Variants in NEDD9 observed in about 807,000 individuals in gnomAD.
NEDD9 encodes neural precursor cell expressed, developmentally down-regulated 9.
A neutral mutation model predicts 76.6 loss-of-function variants in NEDD9; 26 were observed. The ratio of observed to expected loss-of-function variants is 0.34; its 90% CI spans 0.25 to 0.47. The LOEUF is 0.47. NEDD9 is among the 20% of genes least tolerant of loss of function. The pLI is 1.00. For missense variants in NEDD9, 937 were observed against 1,058.5 expected (o/e 0.89, Z 1.59); for synonymous variants, 392 against 414.2 (o/e 0.95, Z 0.65).
At position 11,185,257 on chromosome 6, in the gene NEDD9, T is replaced by G. The variant is rs1046072247; in HGVS notation, c.2410A>C (p.Thr804Pro). The G allele has an allele frequency of 6.2e-7, 1 of 1,614,076 alleles. No individual in the cohort carries two copies. Among genetic ancestry groups the G allele is most frequent in the African/African-American group, 1.3e-5 (1 of 75,008 alleles). ...TGCACCATTTCCTGCAGGGCCGTGG[T>G]GCTGGGGTAATGGAGGGCGGCCATC... Reference protein sequence around the residue: ...TKMAALHYPSTTALQEMVHQV... With the variant: ...TKMAALHYPSPTALQEMVHQV... Residue 804 changes from threonine (T) to proline (P), a missense_variant, in exon 7 of 7, where the codon ACC becomes CCC. Physicochemically the swap from Thr to Pro is conservative, Grantham distance 38. Coordinates refer to ENST00000379446, the MANE Select transcript of NEDD9 (RefSeq NM_006403.4).
chr6:11,192,773 A>C (rs1758184329), intron 3 of NEDD9, among the ~76,000 whole-genome samples: 1 of 151,018 alleles, frequency 6.6e-6, no homozygotes, highest in African/African-American at 2.4e-5. Context: ...TCTCTACTAA[A>C]AATACAAAAA....
chr6:11,287,805 G>A (rs962649284), intron 3 of NEDD9, among the ~76,000 whole-genome samples: 6 of 152,180 alleles, frequency 3.9e-5, no homozygotes, highest in Admixed American at 6.5e-5. Flanking sequence ...CCATCACCCA[G>A]CAGGTAAGAG....
At chr6:11,238,187 A>G (rs976769329) in intron 3 of NEDD9, among the ~76,000 whole-genome samples, 3 of 152,018 alleles carry the variant, frequency 2.0e-5, no homozygotes, top group Non-Finnish European at 2.9e-5. Context: ...TATTCATCTC[A>G]CGTAACAGCC....
chr6:11,266,331 G>A (rs1215399846), intron 3 of NEDD9, among the ~76,000 whole-genome samples: 1 of 152,090 alleles, frequency 6.6e-6, no homozygotes, highest in Non-Finnish European at 1.5e-5. Context: ...GGGGGAGGGG[G>A]AGACATAGTG....
intron 3 of NEDD9, among the ~76,000 whole-genome samples, chr6:11,303,098 A>G (rs1047468775): frequency 1.3e-5 from 2 of 152,216 alleles, no homozygotes; most frequent in African/African-American, 4.8e-5. Context: ...AGATGACATG[A>G]TTGTATATTT....
At position 11,185,353 on chromosome 6, in the gene NEDD9, T is replaced by C. The variant is rs774425973; in HGVS notation, c.2314A>G (p.Ile772Val). The change falls in exon 7 of 7, where the codon ATT (isoleucine) becomes GTT (valine). Residue 772 changes from isoleucine (I) to valine (V), a missense_variant. By Grantham distance (29) the Ile-to-Val change is conservative. Transcript: ENST00000379446. ...CTGGAGTTCATGACTTTGTTGCGAATGTCCTGGGCAGTCACCTGCCGTGTC... is the reference window on the plus strand; with the variant it reads ...CTGGAGTTCATGACTTTGTTGCGAACGTCCTGGGCAGTCACCTGCCGTGTC... The part of the protein sequence containing the change: ...TLTRQVTAQD[I>V]RNKVMNSSNQ... The C allele has an allele frequency of 5.0e-6, 8 of 1,614,228 alleles. No individual in the cohort carries two copies. In the East Asian group the frequency reaches 1.8e-4, roughly 36 times the overall value.
intron 2 of NEDD9, among the ~76,000 whole-genome samples, chr6:11,318,452 A>G (rs1761645038): frequency 6.6e-6 from 1 of 152,076 alleles, no homozygotes; most frequent in Non-Finnish European, 1.5e-5. Flanking sequence ...TCACTGCATC[A>G]TTGTCTGTGA....
intron 2 of NEDD9, among the ~76,000 whole-genome samples, chr6:11,210,073 G>T (rs761758136): frequency 6.7e-6 from 1 of 150,314 alleles, no homozygotes; most frequent in African/African-American, 2.5e-5. Flanking sequence ...TTGAACTATG[G>T]AAAGTCCCAA....
chr6:11,186,957 G>A (rs746346452), intron 6 of NEDD9, among the ~76,000 whole-genome samples: 1 of 152,108 alleles, frequency 6.6e-6, no homozygotes, highest in Non-Finnish European at 1.5e-5. Flanking sequence ...TCTTCTTAGC[G>A]ATTGCTATGG....
chr6:11,278,312 C>T (rs1760458442), intron 3 of NEDD9, among the ~76,000 whole-genome samples: 1 of 152,156 alleles, frequency 6.6e-6, no homozygotes, highest in Non-Finnish European at 1.5e-5. Flanking sequence ...AGTGTTGTGA[C>T]GTGCCAGACC....
chr6:11,216,804 C>A (rs1042062355), intron 1 of NEDD9, among the ~76,000 whole-genome samples: 8 of 152,186 alleles, frequency 5.3e-5, no homozygotes, highest in African/African-American at 1.9e-4. Flanking sequence ...CATTTGCAGT[C>A]CAGGCTTGGT....
chr6:11,283,940 T>A (rs1418490388), intron 3 of NEDD9, among the ~76,000 whole-genome samples: 2 of 152,010 alleles, frequency 1.3e-5, no homozygotes, highest in East Asian at 3.9e-4. Context: ...ATAAAACCAG[T>A]CTAGTATGTA....
chr6:11,274,469 C>G (rs1760376907), intron 3 of NEDD9, among the ~76,000 whole-genome samples: 1 of 152,204 alleles, frequency 6.6e-6, no homozygotes, highest in South Asian at 2.1e-4. Flanking sequence ...ACAAGCACCC[C>G]TAGGTCTATC....
At chr6:11,318,806 G>A (rs1478794334) in intron 2 of NEDD9, among the ~76,000 whole-genome samples, 1 of 151,944 alleles carries the variant, frequency 6.6e-6, no homozygotes, top group Non-Finnish European at 1.5e-5. Flanking sequence ...TTGGAGAGAA[G>A]CTCTGTTTTT....
intron 1 of NEDD9, among the ~76,000 whole-genome samples, chr6:11,218,830 AG>A (rs1759052359): frequency 6.6e-6 from 1 of 152,202 alleles, no homozygotes; most frequent in South Asian, 2.1e-4. Context: ...ACAGCAGGAA[AG>A]GGCCTGCCCC....
At chr6:11,365,502 T>C (rs750035188) in intron 1 of NEDD9, among the ~76,000 whole-genome samples, 1 of 152,222 alleles carries the variant, frequency 6.6e-6, no homozygotes, top group Non-Finnish European at 1.5e-5. Context: ...AAGCTTCTTA[T>C]GTATAGTAAG....
rs753570538 is a variant in NEDD9, at chr6:11,185,149, CT to C, written c.*12del. 6.9e-6 allele frequency: 11 copies of C among 1,600,314 alleles called. No individual in the cohort carries two copies. The highest frequency in any genetic ancestry group is 2.2e-5 in the East Asian group (1 of 44,536). ...TAACCGTTAACGCAGTCCCCTTCCT[CT>C]TTTTTTTCTTCTCAGAACGTTGCCA... is the stretch of plus-strand genomic sequence containing the variant. On this transcript the variant is annotated 3_prime_UTR_variant, in exon 7 of 7. Transcript: ENST00000379446.
At chr6:11,294,059 A>T (rs975376325) in intron 3 of NEDD9, among the ~76,000 whole-genome samples, 4 of 151,680 alleles carry the variant, frequency 2.6e-5, no homozygotes, top group African/African-American at 9.7e-5. Context: ...CATTTTCTTT[A>T]TCTGCTCATG....
chr6:11,322,332 T>G (rs1341640752), intron 2 of NEDD9, among the ~76,000 whole-genome samples: 1 of 151,508 alleles, frequency 6.6e-6, no homozygotes, highest in Non-Finnish European at 1.5e-5. Context: ...ATCCCAGAAC[T>G]TAAAAAAAAA....
Sources: allele counts gnomAD v4.1 joint callset (sites outside exome capture counted in the v4.1 genomes callset), GRCh38; gene constraint gnomAD v4.1.1; transcripts MANE v1.5; gene names NCBI Gene and HGNC (gene_info 2026-07-23, HGNC 2026-07-21).